The following UPP2 variants were observed in gnomAD, a reference collection of about 807,000 sequenced individuals.
UPP2 encodes the protein uridine phosphorylase 2.
In UPP2, 23 loss-of-function variants were observed where a neutral mutation model predicts 26.7. The observed-to-expected ratio is 0.86, with a 90% CI of 0.62 to 1.22. UPP2 has a LOEUF of 1.22. Ranked by LOEUF, UPP2 falls within the 50% of genes most tolerant of loss-of-function variation. The probability of loss-of-function intolerance (pLI) is 0.00; values close to 1 mark genes in which losing one functional copy is unlikely to be tolerated. For missense variants in UPP2, 387 were observed against 396.7 expected, an observed-to-expected ratio of 0.98 and a Z score of 0.21; for synonymous variants, 127 against 141.3, an observed-to-expected ratio of 0.90 and a Z score of 0.72.
At chr2:158,050,716 A>T (rs192393281) in intron 3 of UPP2, among the ~76,000 whole-genome samples, 2 of 152,344 alleles carry the variant, frequency 1.3e-5, no homozygotes, top group East Asian at 1.9e-4. Context: ...GGAATTTTTT[A>T]AAAATGAGTT....
intron 3 of UPP2, among the ~76,000 whole-genome samples, chr2:158,037,838 T>C (rs1436582762): frequency 7.0e-6 from 1 of 143,590 alleles, no homozygotes. Context: ...ATTTTTGCAT[T>C]TTTTGGGGGG....
chr2:158,095,000 AC>A (rs1682964369), intron 3 of UPP2, among the ~76,000 whole-genome samples: 2 of 152,198 alleles, frequency 1.3e-5, no homozygotes, highest in African/African-American at 4.8e-5. Context: ...ATGGCCAGTC[AC>A]AGGCAGTGAG....
At chr2:158,036,441 A>C (rs1352092610) in intron 3 of UPP2, among the ~76,000 whole-genome samples, 2 of 152,176 alleles carry the variant, frequency 1.3e-5, no homozygotes, top group Non-Finnish European at 2.9e-5. Context: ...ATTGACCTCA[A>C]TACAGAGCTC....
intron 1 of UPP2, among the ~76,000 whole-genome samples, chr2:158,103,265 A>G (rs747220009): frequency 6.6e-6 from 1 of 152,224 alleles, no homozygotes; most frequent in Non-Finnish European, 1.5e-5. Flanking sequence ...CGGAGAAATC[A>G]TTAGACGTTG....
At chr2:158,086,505 C>A (rs181062414) in intron 3 of UPP2, among the ~76,000 whole-genome samples, 1 of 151,912 alleles carries the variant, frequency 6.6e-6, no homozygotes, top group Admixed American at 6.6e-5. Context: ...CTGCTCTGAT[C>A]ATTGTTATTT....
intron 3 of UPP2, among the ~76,000 whole-genome samples, chr2:158,079,360 G>T (rs1341297918): frequency 1.3e-5 from 2 of 152,020 alleles, no homozygotes; most frequent in South Asian, 2.1e-4. Flanking sequence ...TAAGAATTTG[G>T]TCCTAGATAT....
rs74805859 is a variant in UPP2 at position 158,020,735 on chromosome 2, T to C, written c.147+4849T>C. 4.9e-3 allele frequency among the ~76,000 whole-genome samples: 749 copies of C among 152,340 alleles called. 9 individuals carry two copies. Among genetic ancestry groups the C allele is most frequent in the African/African-American group, 0.017 (703 of 41,584 alleles). ...CATTCTGACTGGTTGGTGGCTGTGC[T>C]TCACTGGTGATCAAGGATGTTAAAC... is the stretch of plus-strand genomic sequence containing the variant. On this transcript the variant is annotated intron_variant, in intron 3 of 9. Transcript: ENST00000605860.
At chr2:158,016,977 T>C (rs1217999144) in intron 3 of UPP2, among the ~76,000 whole-genome samples, 1 of 152,200 alleles carries the variant, frequency 6.6e-6, no homozygotes. Context: ...CAAGATACTA[T>C]AGCAGAGGGT....
At chr2:158,127,807 A>C (rs758279277) in intron 6 of UPP2, 2 of 162,070 alleles carry the variant, frequency 1.2e-5, no homozygotes, top group Non-Finnish European at 2.6e-5. Flanking sequence ...TGTTTTAACA[A>C]AGATTCAGGT....
At chr2:158,072,141 G>A (rs780033347) in intron 3 of UPP2, among the ~76,000 whole-genome samples, 2 of 152,100 alleles carry the variant, frequency 1.3e-5, no homozygotes, top group African/African-American at 4.8e-5. Flanking sequence ...TTCCCCACAA[G>A]CTGACTGAAG....
chr2:157,995,898 G>T (rs867235728), intron 2 of UPP2, among the ~76,000 whole-genome samples: 1 of 151,634 alleles, frequency 6.6e-6, no homozygotes, highest in Non-Finnish European at 1.5e-5. Context: ...AAAAAAATCT[G>T]ATTATTTTCT....
chr2:157,996,228 G>A (rs1413905027), intron 2 of UPP2, among the ~76,000 whole-genome samples: 4 of 152,096 alleles, frequency 2.6e-5, no homozygotes, highest in African/African-American at 9.7e-5. Flanking sequence ...GCTTTTCTTG[G>A]TTTACTATAG....
chr2:158,018,776 A>G (rs79250434), intron 3 of UPP2, among the ~76,000 whole-genome samples: 5,531 of 152,172 alleles, frequency 0.036, 341 homozygotes, highest in African/African-American at 0.13. Flanking sequence ...CTCTCAGAAC[A>G]CCTTCTCTTT....
intron 3 of UPP2, among the ~76,000 whole-genome samples, chr2:158,073,034 C>A (rs1181172910): frequency 6.6e-6 from 1 of 152,044 alleles, no homozygotes; most frequent in African/African-American, 2.4e-5. Context: ...ATCTTTCAGA[C>A]AGAGAATTCA....
chr2:158,125,946 C>T (rs1683684541), intron 6 of UPP2, among the ~76,000 whole-genome samples: 2 of 152,122 alleles, frequency 1.3e-5, no homozygotes, highest in Admixed American at 1.3e-4. Context: ...GTAAGTGTAA[C>T]ATAATTTGTT....
At chr2:158,035,349 G>A (rs1292133688) in intron 3 of UPP2, among the ~76,000 whole-genome samples, 4 of 152,084 alleles carry the variant, frequency 2.6e-5, no homozygotes, top group Non-Finnish European at 5.9e-5. Flanking sequence ...TGGATACGGG[G>A]TTTCACCATG....
intron 3 of UPP2, among the ~76,000 whole-genome samples, chr2:158,115,741 A>G (rs566656274): frequency 1.3e-4 from 20 of 152,330 alleles, no homozygotes; most frequent in African/African-American, 4.6e-4. Flanking sequence ...ACAGTTATGG[A>G]AGCACACAGT....
At chr2:158,031,778 G>A (rs1057305966) in intron 3 of UPP2, among the ~76,000 whole-genome samples, 1 of 152,194 alleles carries the variant, frequency 6.6e-6, no homozygotes, top group African/African-American at 2.4e-5. Flanking sequence ...CACAATCCAG[G>A]TGACTGCATT....
intron 3 of UPP2, among the ~76,000 whole-genome samples, chr2:158,025,591 G>A (rs577325260): frequency 5.3e-5 from 8 of 152,356 alleles, no homozygotes; most frequent in Non-Finnish European, 8.8e-5. Flanking sequence ...GTGACCTCAA[G>A]GACAGAGCAG....
Sources: allele counts gnomAD v4.1 joint callset (sites outside exome capture counted in the v4.1 genomes callset), GRCh38; gene constraint gnomAD v4.1.1; transcripts MANE v1.5; gene names NCBI Gene and HGNC (gene_info 2026-07-23, HGNC 2026-07-21).